The following MGAT4C variants were observed in gnomAD, a reference collection of about 807,000 sequenced individuals.
MGAT4C encodes the protein alpha-1,3-mannosyl-glycoprotein 4-beta-N-acetylglucosaminyltransferase C.
MGAT4C carries 19 observed loss-of-function variants against 40.1 expected under a neutral mutation model. That is an observed-to-expected ratio of 0.47 (90% CI 0.33 to 0.70). The LOEUF (loss-of-function observed/expected upper bound fraction) is 0.70. Ranked by LOEUF, MGAT4C falls within the 30% of genes least tolerant of loss-of-function variation. The pLI is 0.02. For missense variants in MGAT4C, 491 were observed against 563.2 expected (o/e 0.87, Z 1.30); for synonymous variants, 181 against 187.1 (o/e 0.97, Z 0.27).
chr12:86,117,950 T>C (rs1878711449), intron 1 of MGAT4C, among the ~76,000 whole-genome samples: 1 of 152,160 alleles, frequency 6.6e-6, no homozygotes, highest in Non-Finnish European at 1.5e-5. Context: ...GCTGCCTAAA[T>C]TGATTTTGAC....
chr12:86,834,641 T>G (rs970693482), intron 1 of MGAT4C, among the ~76,000 whole-genome samples: 5 of 123,194 alleles, frequency 4.1e-5, no homozygotes. Context: ...CACACACCCC[T>G]TTACAGATTA....
chr12:86,543,968 CA>C (rs1227897921), intron 2 of MGAT4C, among the ~76,000 whole-genome samples: 19 of 152,194 alleles, frequency 1.2e-4, no homozygotes, highest in South Asian at 6.2e-4. Context: ...GACTCCTCAT[CA>C]GGGGGGCTCA....
At chr12:86,662,581 T>C (rs992031845) in intron 2 of MGAT4C, among the ~76,000 whole-genome samples, 15 of 152,186 alleles carry the variant, frequency 9.9e-5, no homozygotes, top group Admixed American at 5.9e-4. Flanking sequence ...CCTTACTGAT[T>C]GTGATTTTTT....
chr12:86,154,066 A>C (rs1884623992), intron 1 of MGAT4C, among the ~76,000 whole-genome samples: 1 of 152,228 alleles, frequency 6.6e-6, no homozygotes, highest in Non-Finnish European at 1.5e-5. Context: ...TTGGGACAAA[A>C]CACATTTACC....
At chr12:86,800,466 G>C (rs1163852239) in intron 1 of MGAT4C, among the ~76,000 whole-genome samples, 1 of 151,888 alleles carries the variant, frequency 6.6e-6, no homozygotes, top group Non-Finnish European at 1.5e-5. Context: ...TAAGTACCCA[G>C]AATGGTTTCT....
chr12:86,688,157 C>CTTTTTTTTTTTT (rs55637680), intron 2 of MGAT4C, among the ~76,000 whole-genome samples: 22 of 65,186 alleles, frequency 3.4e-4, no homozygotes, highest in African/African-American at 5.8e-4. Flanking sequence ...GCAACCCCTG[C>CTTTTTTTTTTTT]TTTTTTTTTT....
chr12:86,190,587 T>G (rs1213100401), intron 1 of MGAT4C, among the ~76,000 whole-genome samples: 1 of 152,136 alleles, frequency 6.6e-6, no homozygotes, highest in Non-Finnish European at 1.5e-5. Context: ...TATGAGAATT[T>G]TGGCTTGAAT....
At chr12:86,774,763 AAGC>A (rs767403910) in intron 1 of MGAT4C, among the ~76,000 whole-genome samples, 4 of 152,116 alleles carry the variant, frequency 2.6e-5, no homozygotes, top group Admixed American at 6.6e-5. Flanking sequence ...ATTTTGAAGA[AAGC>A]AGCAATTCAA....
rs187300403 is a variant in MGAT4C, at chr12:85,963,192, C to T, written c.*16097G>A. On this transcript the variant is annotated 3_prime_UTR_variant, in exon 5 of 5. Transcript: ENST00000611864. ...TTGGAGGCTATTACAAAATCACATC[C>T]TAAAATTTTAAAATGGAAAAATTAT... 70 of 151,974 alleles carry T rather than the reference C, an allele frequency of 4.6e-4. No individual in the cohort carries two copies. The highest frequency in any genetic ancestry group is 1.6e-3 in the African/African-American group (68 of 41,520). The allele number at this position is 151,974 out of a possible 1,614,324, so 9.4% of individuals were successfully genotyped here.
At chr12:86,052,814 T>C (rs1893018454) in intron 1 of MGAT4C, among the ~76,000 whole-genome samples, 1 of 151,964 alleles carries the variant, frequency 6.6e-6, no homozygotes, top group Non-Finnish European at 1.5e-5. Context: ...GGGATATATA[T>C]AATTCCCAAA....
rs938565648 is a variant in MGAT4C at position 85,962,450 on chromosome 12, A to C, written c.*16839T>G. On this transcript the variant is annotated 3_prime_UTR_variant, in exon 5 of 5. Coordinates refer to ENST00000611864, the MANE Select transcript of MGAT4C (RefSeq NM_001351288.2). ...TATAAAATTTTATAATTAATTATAAAATAAAATATTAACAATAATTGAACA... is the reference window on the plus strand; with the variant it reads ...TATAAAATTTTATAATTAATTATAACATAAAATATTAACAATAATTGAACA... 6.7e-6 allele frequency: 1 copy of C among 148,250 alleles called. No individual in the cohort carries two copies. The highest frequency in any genetic ancestry group is 1.5e-5 in the Non-Finnish European group (1 of 67,058). 9.2% of individuals were successfully genotyped at this position (148,250 alleles called of 1,614,324 possible).
At chr12:86,567,521 C>T (rs1188760333) in intron 2 of MGAT4C, among the ~76,000 whole-genome samples, 1 of 152,066 alleles carries the variant, frequency 6.6e-6, no homozygotes, top group African/African-American at 2.4e-5. Flanking sequence ...ACAGGAGATC[C>T]CTTAGGGCAT....
chr12:86,263,899 T>G (rs975515540), intron 4 of MGAT4C, among the ~76,000 whole-genome samples: 3 of 152,240 alleles, frequency 2.0e-5, no homozygotes, highest in Non-Finnish European at 4.4e-5. Context: ...GTGCTTTTAA[T>G]TTGCATTTTT....
At chr12:86,535,214 A>C (rs180907520) in intron 2 of MGAT4C, among the ~76,000 whole-genome samples, 1 of 152,262 alleles carries the variant, frequency 6.6e-6, no homozygotes, top group East Asian at 1.9e-4. Flanking sequence ...TTTCACGCAT[A>C]AAATGGATGA....
intron 1 of MGAT4C, among the ~76,000 whole-genome samples, chr12:86,820,271 T>C (rs1177850459): frequency 6.6e-6 from 1 of 150,876 alleles, no homozygotes; most frequent in Non-Finnish European, 1.5e-5. Context: ...AGGTTATTTC[T>C]TACTTGTTGT....
At chr12:86,417,291 A>G (rs947293124) in intron 3 of MGAT4C, among the ~76,000 whole-genome samples, 64 of 152,140 alleles carry the variant, frequency 4.2e-4, no homozygotes, top group Admixed American at 3.1e-3. Context: ...GACCACAATG[A>G]CCAATAGAAT....
intron 1 of MGAT4C, among the ~76,000 whole-genome samples, chr12:86,801,714 T>C (rs1952228995): frequency 6.6e-6 from 1 of 151,868 alleles, no homozygotes; most frequent in Admixed American, 6.6e-5. Context: ...GGTTGTGATC[T>C]GACATGTATT....
rs1883486765 is a variant in MGAT4C at position 85,968,904 on chromosome 12, G to A, written c.*10385C>T. 1 of 151,790 alleles carries A rather than the reference G, an allele frequency of 6.6e-6. No individual in the cohort carries two copies. The highest frequency in any genetic ancestry group is 1.5e-5 in the Non-Finnish European group (1 of 67,778). The allele number at this position is 151,790 out of a possible 1,614,324, so 9.4% of individuals were successfully genotyped here. Reference sequence around the variant, plus strand: ...CTGGGCTTAATATTTCACTAACAAGGTCAGAGTTTTGATACATCACTTAAC... The same window carrying A: ...CTGGGCTTAATATTTCACTAACAAGATCAGAGTTTTGATACATCACTTAAC... On this transcript the variant is annotated 3_prime_UTR_variant, in exon 5 of 5. Transcript: ENST00000611864.
intron 1 of MGAT4C, among the ~76,000 whole-genome samples, chr12:86,806,260 A>T (rs1952351030): frequency 6.6e-6 from 1 of 151,984 alleles, no homozygotes; most frequent in Non-Finnish European, 1.5e-5. Context: ...TATCAATAAA[A>T]TTGTAGTTTC....
Sources: gnomAD v4.1 joint callset for allele counts (sites outside exome capture counted in the v4.1 genomes callset) on GRCh38, gnomAD v4.1.1 for gene constraint, MANE v1.5 for transcripts, NCBI Gene and HGNC (gene_info 2026-07-23, HGNC 2026-07-21) for gene names.